CTBP2: variants seen among roughly 807,000 people sequenced by gnomAD.
CTBP2 encodes the protein C-terminal binding protein 2.
CTBP2 carries 30 observed loss-of-function variants against 80.3 expected under a neutral mutation model. That is an observed-to-expected ratio of 0.37 (90% CI 0.28 to 0.51). CTBP2 has a LOEUF of 0.51. Among genes scored for constraint, CTBP2 ranks in the 20% least tolerant of loss-of-function variants. The pLI is 0.93. For missense variants in CTBP2, 1,212 were observed against 1,375.3 expected, an observed-to-expected ratio of 0.88 and a Z score of 1.88; for synonymous variants, 594 against 587.4, an observed-to-expected ratio of 1.01 and a Z score of -0.16.
At chr10:125,140,701 T>A (rs1857660611) in intron 1 of CTBP2, among the ~76,000 whole-genome samples, 1 of 151,832 alleles carries the variant, frequency 6.6e-6, no homozygotes, top group Non-Finnish European at 1.5e-5. Flanking sequence ...TGGGTGCCTA[T>A]CATCTCAGCT....
rs115299549 is a variant in CTBP2, at chr10:125,136,888, G to A, written c.-206+23431C>T. 5.4e-3 allele frequency among the ~76,000 whole-genome samples: 817 copies of A among 152,250 alleles called. 7 individuals carry two copies. Among genetic ancestry groups the A allele is most frequent in the African/African-American group, 0.018 (746 of 41,536 alleles). On this transcript the variant is annotated intron_variant, in intron 1 of 10. Coordinates refer to the CTBP2 transcript ENST00000337195. Reference sequence around the variant, plus strand: ...GGTAACAGGATGTTTCCCTGATGGCGTTGCCCAGGGCCTTGAAAGAGCCGG... The same window carrying A: ...GGTAACAGGATGTTTCCCTGATGGCATTGCCCAGGGCCTTGAAAGAGCCGG...
At chr10:125,103,425 G>A (rs1426184503) in intron 2 of CTBP2, among the ~76,000 whole-genome samples, 1 of 152,198 alleles carries the variant, frequency 6.6e-6, no homozygotes, top group Non-Finnish European at 1.5e-5. Flanking sequence ...TCAGAGTCCT[G>A]CTCCTTGGTC....
chr10:125,055,498 T>A (rs1389796391), intron 2 of CTBP2, among the ~76,000 whole-genome samples: 1 of 152,146 alleles, frequency 6.6e-6, no homozygotes, highest in East Asian at 1.9e-4. Flanking sequence ...AGACTCAACA[T>A]GGCCAGGTCA....
intron 1 of CTBP2, among the ~76,000 whole-genome samples, chr10:125,113,484 A>T (rs1022344350): frequency 1.3e-5 from 2 of 152,202 alleles, no homozygotes; most frequent in Non-Finnish European, 2.9e-5. Context: ...TATACTCCTG[A>T]TTAGTGTTGC....
Position 125,066,665 on chromosome 10 carries a change from A to C in CTBP2, c.-101-27510T>G, listed in dbSNP as rs1439712552. Among the ~76,000 whole-genome samples the C allele has an allele frequency of 6.6e-6, 1 of 152,166 alleles. No homozygotes were observed. Among genetic ancestry groups the C allele is most frequent in the Non-Finnish European group, 1.5e-5 (1 of 68,028 alleles). On this transcript the variant is annotated intron_variant, in intron 2 of 10. Transcript: ENST00000337195. This position sits in a 1 kb window ranked among gnomAD's most constrained non-coding sequence, Gnocchi z 4.1. ...AGCACAGTGCACCAACCTTCAGTGT[A>C]ATCTCCAGTCCTGCCACTGACTCGT...
At chr10:125,074,714 GTGT>G (rs1322675331) in intron 2 of CTBP2, among the ~76,000 whole-genome samples, 1 of 152,250 alleles carries the variant, frequency 6.6e-6, no homozygotes, top group African/African-American at 2.4e-5. Flanking sequence ...CATGTATTCA[GTGT>G]TGTTCTCCAG....
At chr10:125,044,542 G>A (rs1207406753) in intron 2 of CTBP2, among the ~76,000 whole-genome samples, 2 of 152,220 alleles carry the variant, frequency 1.3e-5, no homozygotes, top group Non-Finnish European at 2.9e-5. Context: ...GAAGAGAGCT[G>A]GGTAGAATCT....
chr10:124,991,286 C>T (rs1379006565), intron 8 of CTBP2, among the ~76,000 whole-genome samples: 1 of 152,178 alleles, frequency 6.6e-6, no homozygotes, highest in Admixed American at 6.5e-5. Flanking sequence ...ATCCTGTCAC[C>T]AAGACCTTCA....
At chr10:125,118,724 T>C (rs981838544) in intron 1 of CTBP2, among the ~76,000 whole-genome samples, 4 of 15,690 alleles carry the variant, frequency 2.5e-4, no homozygotes, top group East Asian at 3.7e-3. Context: ...CGCTGGGGGG[T>C]GGGAGGGGGG....
chr10:125,079,039 C>T lies in CTBP2; in HGVS notation c.-102+31951G>A, dbSNP rs193144718. On this transcript the variant is annotated intron_variant, in intron 2 of 10. Coordinates refer to the CTBP2 transcript ENST00000337195. ...ACGAGTGCCTGTAATGCCAGCTACT[C>T]GGGAGGCTAAGGAACGAGAATTGCT... Among the ~76,000 whole-genome samples, 12 of 149,658 alleles carry T rather than the reference C, an allele frequency of 8.0e-5. No individual in the cohort carries two copies. The East Asian group carries it at 2.0e-3, about 25-fold the overall frequency.
intron 2 of CTBP2, among the ~76,000 whole-genome samples, chr10:125,070,664 T>C (rs1178224453): frequency 2.6e-5 from 4 of 151,952 alleles, no homozygotes; most frequent in Admixed American, 2.0e-4. Flanking sequence ...TATGTAAATC[T>C]AAAATTTTTT....
intron 2 of CTBP2, among the ~76,000 whole-genome samples, chr10:125,077,828 G>C (rs1354416165): frequency 6.6e-6 from 1 of 152,096 alleles, no homozygotes; most frequent in East Asian, 1.9e-4. Context: ...TCCAAACGGG[G>C]CCACCATTTG....
chr10:125,098,724 C>CAGAGAGAGAGAGAGAGAG, intron 2 of CTBP2, among the ~76,000 whole-genome samples: 1 of 75,668 alleles, frequency 1.3e-5, no homozygotes, highest in Non-Finnish European at 2.4e-5. Context: ...GAGAGAGAGA[C>CAGAGAGAGAGAGAGAGAG]AGAGAGAGAG....
intron 1 of CTBP2, among the ~76,000 whole-genome samples, chr10:125,151,698 G>A (rs1445307276): frequency 1.3e-5 from 2 of 152,216 alleles, no homozygotes; most frequent in Admixed American, 6.5e-5. Flanking sequence ...GTGCAACCAG[G>A]TCCCCGCCCC....
chr10:125,000,576 TG>T (rs1225207013), intron 3 of CTBP2: 1 of 152,150 alleles, frequency 6.6e-6, no homozygotes, highest in Non-Finnish European at 1.5e-5. Flanking sequence ...TCCCGGCTCG[TG>T]GGGAGAAGTG....
At chr10:125,126,331 C>T (rs1855245078) in intron 1 of CTBP2, among the ~76,000 whole-genome samples, 1 of 152,188 alleles carries the variant, frequency 6.6e-6, no homozygotes, top group South Asian at 2.1e-4. Flanking sequence ...TGAAACTTAA[C>T]GACCAAAGCC....
chr10:125,026,561 C>G lies in CTBP2; in HGVS notation c.1199G>C (p.Gly400Ala), dbSNP rs1436009355. The change falls in exon 1 of 9, where the codon GGA (glycine) becomes GCA (alanine). Residue 400 changes from glycine to alanine, a missense_variant. By Grantham distance (60) the Gly-to-Ala change is moderately conservative. Around this residue, in one of 3 missense-constraint regions of CTBP2, gnomAD observed 848 missense variants for 782.3 expected, o/e 1.08. Transcript: ENST00000309035. ...GCTGGAGGGACGGCGAGCCGGGTCTCCAGCTCGGGGGGATGCTGTCTGCAG... is the reference window on the plus strand; with the variant it reads ...GCTGGAGGGACGGCGAGCCGGGTCTGCAGCTCGGGGGGATGCTGTCTGCAG... 1.3e-6 allele frequency: 2 copies of G among 1,552,126 alleles called. No individual in the cohort carries two copies. The highest frequency in any genetic ancestry group is 1.7e-6 in the Non-Finnish European group (2 of 1,150,500).
At chr10:125,014,323 G>A (rs879543867) in intron 1 of CTBP2, among the ~76,000 whole-genome samples, 7 of 152,176 alleles carry the variant, frequency 4.6e-5, no homozygotes, top group Non-Finnish European at 7.4e-5. Context: ...GTGGTGCCAC[G>A]TGCCTGTAGT....
chr10:124,994,978 A>G (rs919759359), intron 4 of CTBP2, among the ~76,000 whole-genome samples: 1 of 152,250 alleles, frequency 6.6e-6, no homozygotes, highest in African/African-American at 2.4e-5. Context: ...TCAAACACAG[A>G]GTGTTCTGAC....
Sources: gnomAD v4.1 joint callset for allele counts (sites outside exome capture counted in the v4.1 genomes callset) on GRCh38, gnomAD v4.1.1 for gene constraint, gnomAD v4.1.1 regional missense constraint, Gnocchi (gnomAD v3.1) non-coding constraint, MANE v1.5 for transcripts, NCBI Gene and HGNC (gene_info 2026-07-23, HGNC 2026-07-21) for gene names.